Variants in CYP11B1 observed in about 807,000 individuals in gnomAD.
CYP11B1 encodes the protein cytochrome P450 family 11 subfamily B member 1, also known as cytochrome P450 11B1, mitochondrial.
Under a neutral mutation model 48.3 loss-of-function variants are expected in CYP11B1, and 34 were observed. The observed-to-expected ratio is 0.70, with a 90% CI of 0.54 to 0.94. CYP11B1 has a LOEUF of 0.94. Among genes scored for constraint, CYP11B1 ranks in the 40% least tolerant of loss-of-function variants. The pLI is 0.00. For missense variants in CYP11B1, 688 were observed against 657.4 expected (o/e 1.05, Z -0.51); for synonymous variants, 291 against 262.5 (o/e 1.11, Z -1.05).
chr8:142,873,852 C>T lies in CYP11B1; in HGVS notation c.*521G>A, dbSNP rs1816857672. On this transcript the variant is annotated 3_prime_UTR_variant, in exon 9 of 9. Coordinates refer to ENST00000292427, the MANE Select transcript of CYP11B1 (RefSeq NM_000497.4). The stretch of plus-strand genomic sequence containing the variant: ...TATTCTACCCTGCAGGACCCTATTC[C>T]AGGGTGACAACTTTCAGAGAGCTCA... 5.0e-6 allele frequency: 1 copy of T among 198,894 alleles called. No homozygotes were observed. 12.3% of individuals were successfully genotyped at this position (198,894 alleles called of 1,614,324 possible).
intron 2 of CYP11B1, chr8:142,877,755 A>G: frequency 6.3e-7 from 1 of 1,597,546 alleles, no homozygotes. Context: ...TGCCATCCTC[A>G]CCTACAGCCA....
intron 1 of CYP11B1, 43 bp from the exon 2 acceptor site, chr8:142,879,230 C>T (rs1817065073): frequency 1.9e-6 from 3 of 1,613,234 alleles, no homozygotes; most frequent in Non-Finnish European, 2.5e-6. Flanking sequence ...GGACCATGTC[C>T]CCGCTAGCCC....
At chr8:142,876,131 G>A (rs956330489) in intron 5 of CYP11B1, 110 bp downstream of exon 5, 1 of 1,442,104 alleles carries the variant, frequency 6.9e-7, no homozygotes, top group Non-Finnish European at 9.7e-7. Context: ...GAAATGTGGG[G>A]CCCATAGCCT....
rs1817008591 is a variant in CYP11B1, at chr8:142,877,796, G to A, written c.396-574C>T. Reference sequence around the variant, plus strand: ...CGTGGGGGCTCCATGGATGCCCCCAGGGAATGGTGGGGAGGAATTTCCCCT... The same window carrying A: ...CGTGGGGGCTCCATGGATGCCCCCAAGGAATGGTGGGGAGGAATTTCCCCT... On this transcript the variant is annotated intron_variant, in intron 2 of 8. Coordinates refer to ENST00000292427, the MANE Select transcript of CYP11B1 (RefSeq NM_000497.4). 5.6e-6 allele frequency: 9 copies of A among 1,595,810 alleles called. No individual in the cohort carries two copies. In the African/African-American group the frequency reaches 1.1e-4, roughly 19 times the overall value.
At chr8:142,878,886 G>C in intron 2 of CYP11B1, 146 bp downstream of exon 2, 1 of 1,261,220 alleles carries the variant, frequency 7.9e-7, no homozygotes, top group Non-Finnish European at 1.1e-6. Context: ...ACGACCCCAC[G>C]GAATGGCCGT....
Position 142,876,752 on chromosome 8 carries a change from G to A in CYP11B1, c.729C>T (p.Ser243=), listed in dbSNP as rs747020229. The A allele has an allele frequency of 3.1e-6, 5 of 1,613,974 alleles. No individual in the cohort carries two copies. Among genetic ancestry groups the A allele is most frequent in the Non-Finnish European group, 4.2e-6 (5 of 1,180,020 alleles). The change falls in exon 4 of 9, where the codon AGC becomes AGT. Residue 243 remains serine, a synonymous_variant. Coordinates refer to ENST00000292427, the MANE Select transcript of CYP11B1 (RefSeq NM_000497.4). ...STVQLMFMPR[S]LSRWTSPKVW... Reference sequence around the variant, plus strand: ...CCTTGGGGCTGGTCCAGCGAGACAGGCTCCTGGGCATGAACATGAGCTGGA... The same window carrying A: ...CCTTGGGGCTGGTCCAGCGAGACAGACTCCTGGGCATGAACATGAGCTGGA...
Position 142,879,181 on chromosome 8 carries a change from G to A in CYP11B1, c.246C>T (p.Asp82=), listed in dbSNP as rs5283. ...FQELGPIFRY[D]LGGAGMVCVM... ...CACACACCATGCCTGCTCCTCCCAA[G>A]TCGTACCTGTGGGGCCAAGCACGAG... is the stretch of plus-strand genomic sequence containing the variant. The change falls in exon 2 of 9, where the codon GAC becomes GAT. Residue 82 remains aspartate (D), a synonymous_variant. Transcript: ENST00000292427. The A allele has an allele frequency of 0.42, 677,715 of 1,613,728 alleles. 147,725 individuals are homozygous for A. Among genetic ancestry groups the A allele is most frequent in the Non-Finnish European group, 0.44 (516,590 of 1,179,900 alleles).
rs5300 is a variant in CYP11B1, at chr8:142,873,922, T to G, written c.*451A>C. The G allele has an allele frequency of 3.9e-6, 1 of 259,474 alleles. No homozygotes were observed. The allele number at this position is 259,474 out of a possible 1,614,324, so 16.1% of individuals were successfully genotyped here. A position where few individuals can be genotyped will look rare whatever the true frequency, so the allele number is the denominator to read the frequency against. The stretch of plus-strand genomic sequence containing the variant: ...AGGGGTCAGGCTGCAGGAGGGAACT[T>G]GACTGGACTCTGAGATGCTGGGATC... On this transcript the variant is annotated 3_prime_UTR_variant, in exon 9 of 9. Coordinates refer to ENST00000292427, the MANE Select transcript of CYP11B1 (RefSeq NM_000497.4).
intron 2 of CYP11B1, among the ~76,000 whole-genome samples, chr8:142,878,320 C>T (rs1817028884): frequency 6.6e-6 from 1 of 152,176 alleles, no homozygotes. Flanking sequence ...TCTCCTCCTG[C>T]CATGGAGTGG....
At position 142,874,950 on chromosome 8, in the gene CYP11B1, T is replaced by G; in HGVS notation, c.1398+7A>C. 1.2e-6 allele frequency: 2 copies of G among 1,612,966 alleles called. No homozygotes were observed. The highest frequency in any genetic ancestry group is 2.2e-5 in the South Asian group (2 of 91,046). ...CCCAGGCCCCTCCCCAGCCCGGGCC[T>G]GCTCACATGGTGCAGCAGCAGCAGC... On this transcript the variant is annotated splice_region_variant and intron_variant, in intron 8 of 8. Transcript: ENST00000292427.
chr8:142,874,862 A>G, intron 8 of CYP11B1, 95 bp downstream of exon 8: 2 of 1,456,772 alleles, frequency 1.4e-6, no homozygotes, highest in African/African-American at 1.4e-5. Flanking sequence ...CATGCAGGCC[A>G]CTCCCACTCT....
chr8:142,874,860 C>T, intron 8 of CYP11B1, 97 bp downstream of exon 8: 1 of 1,443,998 alleles, frequency 6.9e-7, no homozygotes, highest in Non-Finnish European at 9.5e-7. Flanking sequence ...AACATGCAGG[C>T]CACTCCCACT....
Position 142,876,849 on chromosome 8 carries a change from A to G in CYP11B1, c.632T>C (p.Leu211Pro), listed in dbSNP as rs368125568. The G allele has an allele frequency of 2.0e-5, 32 of 1,613,918 alleles. No homozygotes were observed. Among genetic ancestry groups the G allele is most frequent in the Non-Finnish European group, 2.7e-5 (32 of 1,180,004 alleles). The change falls in exon 4 of 9, where the codon CTG (leucine) becomes CCG (proline). Residue 211 changes from leucine to proline, a missense_variant. Leu to Pro is a moderately conservative substitution (Grantham distance 98). Transcript: ENST00000292427. Reference sequence around the variant, plus strand: ...GGCAGAACTGGGGCTGTGGCCAACCAGGCCCAGCCGCTCTCCAAAAAGAGC... The same window carrying G: ...GGCAGAACTGGGGCTGTGGCCAACCGGGCCCAGCCGCTCTCCAAAAAGAGC... ...NLALFGERLGLVGHSPSSASL... is the reference protein window; with the variant it reads ...NLALFGERLGPVGHSPSSASL...
rs1816862489 is a variant in CYP11B1 at position 142,874,113 on chromosome 8, A to G, written c.*260T>C. The G allele has an allele frequency of 1.8e-6, 1 of 544,950 alleles. No homozygotes were observed. 33.8% of individuals were successfully genotyped at this position (544,950 alleles called of 1,614,324 possible). A position where few individuals can be genotyped will look rare whatever the true frequency, so the allele number is the denominator to read the frequency against. Reference sequence around the variant, plus strand: ...GGAGGGATGGGGGCAAACTGCCCAGAGGACAGTGCTTGCTGGAGAAAGGGC... The same window carrying G: ...GGAGGGATGGGGGCAAACTGCCCAGGGGACAGTGCTTGCTGGAGAAAGGGC... On this transcript the variant is annotated 3_prime_UTR_variant, in exon 9 of 9. Coordinates refer to ENST00000292427, the MANE Select transcript of CYP11B1 (RefSeq NM_000497.4).
intron 2 of CYP11B1, among the ~76,000 whole-genome samples, chr8:142,878,746 G>T (rs1279047872): frequency 1.3e-5 from 2 of 152,178 alleles, no homozygotes; most frequent in African/African-American, 2.4e-5. Context: ...GCAAGAGAAA[G>T]CATCGGCCAA....
rs56715454 is a variant in CYP11B1, at chr8:142,875,360, T to C, written c.1122-48A>G. ...AAAGGGTCCTCAGCTGGATGGGGCT[T>C]CCTGTGCTCTCTGCACCCTTCCTAC... is the stretch of plus-strand genomic sequence containing the variant. On this transcript the variant is annotated intron_variant, in intron 6 of 8. Coordinates refer to ENST00000292427, the MANE Select transcript of CYP11B1 (RefSeq NM_000497.4). The C allele has an allele frequency of 0.015, 23,149 of 1,525,896 alleles. 1,446 individuals are homozygous for C. The African/African-American group carries it at 0.2, about 13-fold the overall frequency. The allele number at this position is 1,525,896 out of a possible 1,614,324, so 94.5% of individuals were successfully genotyped here.
Position 142,876,685 on chromosome 8 carries a change from A to T in CYP11B1, c.796T>A (p.Tyr266Asn). 1 of 1,610,094 alleles carries T rather than the reference A, an allele frequency of 6.2e-7. No homozygotes were observed. The highest frequency in any genetic ancestry group is 8.5e-7 in the Non-Finnish European group (1 of 1,178,396). Residue 266 changes from tyrosine (Y) to asparagine (N), a missense_variant, in exon 4 of 9, where the codon TAC becomes AAC. Physicochemically the swap from Tyr to Asn is moderately radical, Grantham distance 143 (BLOSUM62 -2). Coordinates refer to ENST00000292427, the MANE Select transcript of CYP11B1 (RefSeq NM_000497.4). The part of the protein sequence containing the change: ...HFEAWDCIFQ[Y>N]GDNCIQKIYQ... ...CTGCCCGGGTCCCTGGCCTCACCGT[A>T]CTGGAAGATGCAGTCCCAGGCCTCA...
rs749832931 is a variant in CYP11B1, at chr8:142,876,711, A to G, written c.770T>C (p.Phe257Ser). Residue 257 changes from phenylalanine (F) to serine (S), a missense_variant, in exon 4 of 9, where the codon TTT becomes TCT. Transcript: ENST00000292427. Reference protein sequence around the residue: ...WTSPKVWKEHFEAWDCIFQYG... With the variant: ...WTSPKVWKEHSEAWDCIFQYG... Reference sequence around the variant, plus strand: ...CTGGAAGATGCAGTCCCAGGCCTCAAAGTGCTCCTTCCACACCTTGGGGCT... The same window carrying G: ...CTGGAAGATGCAGTCCCAGGCCTCAGAGTGCTCCTTCCACACCTTGGGGCT... The G allele has an allele frequency of 6.2e-7, 1 of 1,613,422 alleles. No individual in the cohort carries two copies. Among genetic ancestry groups the G allele is most frequent in the Non-Finnish European group, 8.5e-7 (1 of 1,179,768 alleles).
At position 142,876,715 on chromosome 8, in the gene CYP11B1, G is replaced by C; in HGVS notation, c.766C>G (p.His256Asp). The change falls in exon 4 of 9, where the codon CAC becomes GAC. Residue 256 changes from histidine (H) to aspartate (D), a missense_variant. Physicochemically the swap from His to Asp is moderately conservative, Grantham distance 81 (BLOSUM62 -1). Transcript: ENST00000292427. ...RWTSPKVWKE[H>D]FEAWDCIFQY... is the part of the protein sequence containing the mutation. ...AAGATGCAGTCCCAGGCCTCAAAGT[G>C]CTCCTTCCACACCTTGGGGCTGGTC... 1 of 1,613,570 alleles carries C rather than the reference G, an allele frequency of 6.2e-7. No individual in the cohort carries two copies. Among genetic ancestry groups the C allele is most frequent in the Non-Finnish European group, 8.5e-7 (1 of 1,179,806 alleles).
Sources: allele counts gnomAD v4.1 joint callset (sites outside exome capture counted in the v4.1 genomes callset), GRCh38; gene constraint gnomAD v4.1.1; transcripts MANE v1.5; gene names NCBI Gene and HGNC (gene_info 2026-07-23, HGNC 2026-07-21).